Variants in HTR3B observed in about 807,000 individuals in gnomAD.
The protein encoded by HTR3B is 5-hydroxytryptamine (serotonin) receptor 3B, ionotropic.
Under a neutral mutation model 42.8 loss-of-function variants are expected in HTR3B, and 44 were observed. The observed-to-expected ratio is 1.03, with a 90% CI of 0.81 to 1.32. The LOEUF (loss-of-function observed/expected upper bound fraction) is 1.32. Among genes scored for constraint, HTR3B ranks in the 40% most tolerant of loss-of-function variants. The probability of loss-of-function intolerance (pLI) is 0.00; values close to 1 mark genes in which losing one functional copy is unlikely to be tolerated. For synonymous variants in HTR3B, 203 were observed against 209.0 expected (o/e 0.97, Z 0.25); for missense variants, 527 against 536.5 (o/e 0.98, Z 0.17).
In HTR3B at chr11:113,906,958, A is replaced by G. The variant is rs190191681; in HGVS notation, c.52+1973A>G. Among the ~76,000 whole-genome samples the G allele has an allele frequency of 2.4e-4, 37 of 152,314 alleles. No homozygotes were observed. In the East Asian group the frequency reaches 6.4e-3, roughly 26 times the overall value. On this transcript the variant is annotated intron_variant, in intron 1 of 8. Transcript: ENST00000260191. ...CTCATTTCCTTTTAACCTCTCAGAT[A>G]TATGTGTAACTCTCTTATAATCCTA...
At chr11:113,915,679 T>C (rs1274367350) in intron 2 of HTR3B, among the ~76,000 whole-genome samples, 1 of 152,176 alleles carries the variant, frequency 6.6e-6, no homozygotes, top group Non-Finnish European at 1.5e-5. Context: ...GATAAATGCT[T>C]AGGTATAGTA....
intron 3 of HTR3B, 35 bp from the exon 4 acceptor site, chr11:113,931,723 T>G: frequency 8.1e-7 from 1 of 1,235,616 alleles, no homozygotes; most frequent in Non-Finnish European, 1.2e-6. Context: ...TATTGCCCCA[T>G]TTTGATAAGT....
Position 113,946,002 on chromosome 11 carries a change from G to A in HTR3B, c.1191G>A (p.Gln397=). 1 of 1,614,136 alleles carries A rather than the reference G, an allele frequency of 6.2e-7. No homozygotes were observed. Among genetic ancestry groups the A allele is most frequent in the Non-Finnish European group, 8.5e-7 (1 of 1,180,026 alleles). The change falls in exon 9 of 9, where the codon CAG becomes CAA. Residue 397 remains glutamine, a synonymous_variant. Transcript: ENST00000260191. The part of the protein sequence containing the change: ...SISNYLQTQD[Q]TDQQEAEWLV... ...GCAACTACCTCCAAACTCAGGACCAGACAGACCAACAGGAGGCAGAGTGGC... is the reference window on the plus strand; with the variant it reads ...GCAACTACCTCCAAACTCAGGACCAAACAGACCAACAGGAGGCAGAGTGGC...
rs1245103886 is a variant in HTR3B at position 113,946,218 on chromosome 11, G to C, written c.*81G>C. 8.8e-7 allele frequency: 1 copy of C among 1,132,116 alleles called. No homozygotes were observed. The allele number at this position is 1,132,116 out of a possible 1,614,324, so 70.1% of individuals were successfully genotyped here. ...ATAATAGTGGGTTAAAAAGCTTTCTGGGTCGGGTGTGGTGGTTCTTGCCTA... is the reference window on the plus strand; with the variant it reads ...ATAATAGTGGGTTAAAAAGCTTTCTCGGTCGGGTGTGGTGGTTCTTGCCTA... On this transcript the variant is annotated 3_prime_UTR_variant, in exon 9 of 9. Transcript: ENST00000260191.
chr11:113,938,966 G>T (rs558157131), intron 6 of HTR3B, among the ~76,000 whole-genome samples: 2 of 152,018 alleles, frequency 1.3e-5, no homozygotes, highest in African/African-American at 4.8e-5. Context: ...TTGTACTCCA[G>T]TCTGGGCAAT....
intron 8 of HTR3B, 135 bp from the exon 9 acceptor site, chr11:113,945,767 C>G (rs901764074): frequency 3.0e-6 from 2 of 663,334 alleles, no homozygotes; most frequent in African/African-American, 3.6e-5. Context: ...GGGAGAGTAC[C>G]CAACCCAAAC....
intron 6 of HTR3B, among the ~76,000 whole-genome samples, chr11:113,937,192 C>A (rs1476961469): frequency 2.6e-5 from 4 of 152,174 alleles, no homozygotes; most frequent in Non-Finnish European, 5.9e-5. Context: ...GAGCAGGTGA[C>A]ATGCCTTCTA....
chr11:113,948,145 A>G lies in HTR3B; in HGVS notation c.*2008A>G, dbSNP rs1950193423. On this transcript the variant is annotated 3_prime_UTR_variant, in exon 9 of 9. Transcript: ENST00000260191. Reference sequence around the variant, plus strand: ...AGAAGTTTGTGAACAGGAAGTGTCCATGCAAACCTCCACCTGTTTCCTTCC... The same window carrying G: ...AGAAGTTTGTGAACAGGAAGTGTCCGTGCAAACCTCCACCTGTTTCCTTCC... 6.6e-6 allele frequency among the ~76,000 whole-genome samples: 1 copy of G among 152,210 alleles called. No homozygotes were observed. Among genetic ancestry groups the G allele is most frequent in the African/African-American group, 2.4e-5 (1 of 41,452 alleles).
At chr11:113,903,837 T>G (rs1949713770), upstream of HTR3B, among the ~76,000 whole-genome samples, 3 of 152,350 alleles carry the variant, frequency 2.0e-5, no homozygotes, top group South Asian at 6.2e-4. Flanking sequence ...TCTCTCTTTC[T>G]GTGTATACCA....
intron 7 of HTR3B, among the ~76,000 whole-genome samples, chr11:113,944,230 G>C (rs1249825424): frequency 6.6e-6 from 1 of 152,148 alleles, no homozygotes; most frequent in Non-Finnish European, 1.5e-5. Flanking sequence ...ATGTTGGCCA[G>C]GATGGTCTCG....
At chr11:113,926,536 T>TCCTTTCCTGTCCTTTCC in intron 2 of HTR3B, among the ~76,000 whole-genome samples, 1 of 144,306 alleles carries the variant, frequency 6.9e-6, no homozygotes, top group Non-Finnish European at 1.5e-5. Context: ...TCCTTTCCTT[T>TCCTTTCCTGTCCTTTCC]TTTTCTTTTT....
intron 6 of HTR3B, among the ~76,000 whole-genome samples, chr11:113,935,778 C>T (rs115483707): frequency 0.025 from 3,849 of 152,234 alleles, 175 homozygotes; most frequent in African/African-American, 0.088. Flanking sequence ...TTAATCTACT[C>T]GCCGGCTGTG....
chr11:113,924,002 G>T (rs1949942626), intron 2 of HTR3B, among the ~76,000 whole-genome samples: 2 of 152,062 alleles, frequency 1.3e-5, no homozygotes, highest in South Asian at 4.1e-4. Flanking sequence ...CAGTTAAGAA[G>T]AATCAACTGA....
At chr11:113,929,519 G>A (rs147082769) in intron 2 of HTR3B, among the ~76,000 whole-genome samples, 91 of 151,962 alleles carry the variant, frequency 6.0e-4, no homozygotes, top group Admixed American at 9.8e-4. Flanking sequence ...TGAGATTAGG[G>A]TCCTATCCCT....
At chr11:113,927,018 C>T (rs1359679546) in intron 2 of HTR3B, among the ~76,000 whole-genome samples, 2 of 152,106 alleles carry the variant, frequency 1.3e-5, no homozygotes, top group Admixed American at 1.3e-4. Context: ...TGATGGTGAG[C>T]GTCTTTTCAT....
At chr11:113,927,667 A>G (rs748152674) in intron 2 of HTR3B, among the ~76,000 whole-genome samples, 6 of 151,462 alleles carry the variant, frequency 4.0e-5, no homozygotes, top group Non-Finnish European at 8.8e-5. Context: ...GGTTCAAGCG[A>G]TTCTCCTACC....
In HTR3B at chr11:113,946,157, TAATTGTG is replaced by T; in HGVS notation, c.*21_*27del. ...GTGTGAAGACTGAAGTGTTCTTCAG[TAATTGTG>T]CTGGCACTTAGGAGAGAGAGGAGGG... On this transcript the variant is annotated 3_prime_UTR_variant, in exon 9 of 9. Transcript: ENST00000260191. 3 of 1,566,608 alleles carry T rather than the reference TAATTGTG, an allele frequency of 1.9e-6. No homozygotes were observed. The highest frequency in any genetic ancestry group is 1.8e-6 in the Non-Finnish European group (2 of 1,138,024).
intron 2 of HTR3B, among the ~76,000 whole-genome samples, chr11:113,912,173 G>A (rs1007471924): frequency 1.3e-5 from 2 of 152,166 alleles, no homozygotes; most frequent in Non-Finnish European, 2.9e-5. Flanking sequence ...TCCAATTTTA[G>A]GATAGTATGA....
At position 113,936,589 on chromosome 11, in the gene HTR3B, A is replaced by T. The variant is rs183476543; in HGVS notation, c.696+3496A>T. The stretch of plus-strand genomic sequence containing the variant: ...AGAGAGAGAGAATTTAGAGCCCTGG[A>T]TATCCTTTCTGGGTCACTCAAGTGA... On this transcript the variant is annotated intron_variant, in intron 6 of 8. Coordinates refer to ENST00000260191, the MANE Select transcript of HTR3B (RefSeq NM_006028.5). Among the ~76,000 whole-genome samples the T allele has an allele frequency of 6.6e-5, 10 of 152,208 alleles. No individual in the cohort carries two copies. In the South Asian group the frequency reaches 8.3e-4, roughly 13 times the overall value.
Sources: allele counts gnomAD v4.1 joint callset (sites outside exome capture counted in the v4.1 genomes callset), GRCh38; gene constraint gnomAD v4.1.1; transcripts MANE v1.5; gene names NCBI Gene and HGNC (gene_info 2026-07-23, HGNC 2026-07-21).